The following ZAR1L variants were observed in gnomAD, a reference collection of about 807,000 sequenced individuals.
ZAR1L encodes zygote arrest 1 like.
ZAR1L carries 16 observed loss-of-function variants against 30.0 expected under a neutral mutation model. The ratio of observed to expected loss-of-function variants is 0.53; its 90% confidence interval spans 0.36 to 0.81. ZAR1L has a LOEUF of 0.81. ZAR1L is among the 30% of genes least tolerant of loss of function. The pLI is 0.00. For missense variants in ZAR1L, 392 were observed against 417.2 expected (o/e 0.94, Z 0.53); for synonymous variants, 197 against 166.8 (o/e 1.18, Z -1.40).
At chr13:32,307,926 C>T (rs1358856585) in intron 5 of ZAR1L, among the ~76,000 whole-genome samples, 1 of 152,144 alleles carries the variant, frequency 6.6e-6, no homozygotes, top group Non-Finnish European at 1.5e-5. Context: ...CCTCAGCCTC[C>T]CGAGTAGCTG....
At chr13:32,312,169 T>A (rs925109516) in intron 2 of ZAR1L, 76 bp from the exon 3 acceptor site, 3 of 486,750 alleles carry the variant, frequency 6.2e-6, no homozygotes, top group African/African-American at 5.9e-5. Context: ...TTTCCCTACC[T>A]CTTCACTGTT....
intron 5 of ZAR1L, among the ~76,000 whole-genome samples, chr13:32,305,288 G>A (rs375526765): frequency 4.6e-5 from 7 of 151,478 alleles, no homozygotes; most frequent in South Asian, 2.1e-4. Context: ...CTGCAGTGGC[G>A]CTATCTTGGC....
chr13:32,313,360 G>A (rs1339590164), intron 2 of ZAR1L, among the ~76,000 whole-genome samples: 2 of 151,964 alleles, frequency 1.3e-5, no homozygotes, highest in African/African-American at 4.8e-5. Context: ...GGTTTTTTGG[G>A]TTTTTGTTTG....
At chr13:32,306,069 C>T (rs538552919) in intron 5 of ZAR1L, among the ~76,000 whole-genome samples, 18 of 152,098 alleles carry the variant, frequency 1.2e-4, no homozygotes, top group African/African-American at 4.1e-4. Flanking sequence ...TCTTCTAAAG[C>T]AATAAAAATT....
rs145793880 is a variant in ZAR1L at position 32,309,674 on chromosome 13, C to T, written c.748-914G>A. Among the ~76,000 whole-genome samples the T allele has an allele frequency of 1.8e-4, 28 of 152,324 alleles. 2 individuals are homozygous for T. The highest frequency in any genetic ancestry group is 1.6e-3 in the Admixed American group (25 of 15,294). ...CCATATGAAGAAGGATGCTACTGCA[C>T]GTATTGCCAAATTACATTTTGTTTC... On this transcript the variant is annotated intron_variant, in intron 4 of 5. Coordinates refer to ENST00000533490, the MANE Select transcript of ZAR1L (RefSeq NM_001136571.2).
At position 32,308,741 on chromosome 13, in the gene ZAR1L, C is replaced by A; in HGVS notation, c.767G>T (p.Cys256Phe). Residue 256 changes from cysteine (C) to phenylalanine (F), a missense_variant, in exon 5 of 6, where the codon TGT (cysteine) becomes TTT (phenylalanine). Transcript: ENST00000533490. ...GTNKVYFKQLCCKCQKSFNPY... is the reference protein window; with the variant it reads ...GTNKVYFKQLFCKCQKSFNPY... ...GTTAAAACTCTTTTGGCATTTACAACAGAGTTGTTTGAAATAAACCTAAAG... is the reference window on the plus strand; with the variant it reads ...GTTAAAACTCTTTTGGCATTTACAAAAGAGTTGTTTGAAATAAACCTAAAG... 6.5e-7 allele frequency: 1 copy of A among 1,550,274 alleles called. No individual in the cohort carries two copies. Among genetic ancestry groups the A allele is most frequent in the Non-Finnish European group, 8.7e-7 (1 of 1,146,142 alleles).
rs1197565029 is a variant in ZAR1L, at chr13:32,311,539, G to A, written c.387C>T (p.Ala129=). The change falls in exon 3 of 6, where the codon GCC becomes GCT. Residue 129 remains alanine, a synonymous_variant. Coordinates refer to ENST00000533490, the MANE Select transcript of ZAR1L (RefSeq NM_001136571.2). ...CGGTGGCGGGCGAAGTGACCCCACA[G>A]GCTGGCAGGGGCTCCTGGGGGTCTC... ...DGRDPQEPLP[A]CGVTSPATGR... 27 of 1,534,046 alleles carry A rather than the reference G, an allele frequency of 1.8e-5. No individual in the cohort carries two copies. The Admixed American group carries it at 3.0e-4, about 17-fold the overall frequency.
chr13:32,305,313 G>A (rs984200014), intron 5 of ZAR1L, among the ~76,000 whole-genome samples: 3 of 151,316 alleles, frequency 2.0e-5, no homozygotes, highest in Non-Finnish European at 2.9e-5. Flanking sequence ...TGCAAGCTCC[G>A]CCTCCCGGGT....
intron 4 of ZAR1L, among the ~76,000 whole-genome samples, chr13:32,309,382 G>A (rs563493202): frequency 6.6e-6 from 1 of 152,326 alleles, no homozygotes; most frequent in South Asian, 2.1e-4. Flanking sequence ...TCAATGGGAA[G>A]TGGCTGCCAT....
chr13:32,305,717 A>G (rs1256574135), intron 5 of ZAR1L, among the ~76,000 whole-genome samples: 3 of 152,228 alleles, frequency 2.0e-5, no homozygotes, highest in Non-Finnish European at 4.4e-5. Flanking sequence ...AATTCTAACC[A>G]AGCCTCCTGG....
In ZAR1L at chr13:32,311,609, G is replaced by A. The variant is rs2072214135; in HGVS notation, c.317C>T (p.Ser106Phe). 6.5e-7 allele frequency: 1 copy of A among 1,549,616 alleles called. No homozygotes were observed. The highest frequency in any genetic ancestry group is 1.4e-5 in the African/African-American group (1 of 73,150). ...SPRVDKAVQCSLGPRTLSSCS... is the reference protein window; with the variant it reads ...SPRVDKAVQCFLGPRTLSSCS... ...GCTGCTGAGGGTGCGAGGCCCCAGA[G>A]AGCACTGCACAGCCTTGTCCACCCG... Residue 106 changes from serine (S) to phenylalanine (F), a missense_variant, in exon 3 of 6, where the codon TCT (serine) becomes TTT (phenylalanine). Physicochemically the swap from Ser to Phe is radical, Grantham distance 155. Transcript: ENST00000533490.
chr13:32,312,072 A>C lies in ZAR1L; in HGVS notation c.-147T>G. On this transcript the variant is annotated 5_prime_UTR_variant, in exon 3 of 6. Coordinates refer to ENST00000533490, the MANE Select transcript of ZAR1L (RefSeq NM_001136571.2). ...GCTTCTCCATTTATTTCAGATTCTA[A>C]TGGGAGCTGCTGCTTATTACCCTGA... 1.0e-6 allele frequency: 1 copy of C among 954,992 alleles called. No homozygotes were observed. Among genetic ancestry groups the C allele is most frequent in the Non-Finnish European group, 1.5e-6 (1 of 664,086 alleles). 59.2% of individuals were successfully genotyped at this position (954,992 alleles called of 1,614,324 possible).
At chr13:32,304,091 C>T in intron 5 of ZAR1L, 69 bp from the exon 6 acceptor site, 1 of 1,472,622 alleles carries the variant, frequency 6.8e-7, no homozygotes, top group Non-Finnish European at 9.1e-7. Flanking sequence ...ACCCTCAAAT[C>T]ACAGTACTTC....
intron 2 of ZAR1L, among the ~76,000 whole-genome samples, chr13:32,312,577 C>T (rs1423597966): frequency 2.0e-5 from 3 of 152,082 alleles, no homozygotes; most frequent in African/African-American, 7.2e-5. Flanking sequence ...TATTATTCAG[C>T]CTTAAAACAG....
intron 5 of ZAR1L, 30 bp from the exon 6 acceptor site, chr13:32,304,052 T>C: frequency 1.9e-6 from 3 of 1,546,020 alleles, no homozygotes; most frequent in Non-Finnish European, 2.6e-6. Context: ...GTTTGGACGC[T>C]AAATGATCAG....
Position 32,311,294 on chromosome 13 carries a change from G to C in ZAR1L, c.632C>G (p.Pro211Arg), listed in dbSNP as rs775294297. ...TACCTGGAAGTTGGGCCTCCGGAGC[G>C]GCTCGGAGGCGGCGTCTCCAGGCAC... ...KQVPGDAASE[P>R]LRRPNFQFLE... Residue 211 changes from proline to arginine, a missense_variant, in exon 3 of 6, where the codon CCG (proline) becomes CGG (arginine). Coordinates refer to ENST00000533490, the MANE Select transcript of ZAR1L (RefSeq NM_001136571.2). The C allele has an allele frequency of 1.6e-5, 25 of 1,548,940 alleles. No homozygotes were observed. In the African/African-American group the frequency reaches 3.3e-4, roughly 20 times the overall value.
At position 32,303,975 on chromosome 13, in the gene ZAR1L, A is replaced by T; in HGVS notation, c.870T>A (p.Ile290=). 6.4e-7 allele frequency: 1 copy of T among 1,552,094 alleles called. No individual in the cohort carries two copies. Among genetic ancestry groups the T allele is most frequent in the Non-Finnish European group, 8.7e-7 (1 of 1,147,058 alleles). ...CCTGTCGATGAGGCCTCCTTAGATC[A>T]ATGTGTCTCTTCTTTTGAGGACAGG... ...HCSCPQKKRH[I]DLRRPHRQEL... Residue 290 remains isoleucine (I), a synonymous_variant, in exon 6 of 6, where the codon ATT becomes ATA. Transcript: ENST00000533490.
At chr13:32,313,663 A>G (rs1457769290) in intron 2 of ZAR1L, among the ~76,000 whole-genome samples, 4 of 152,174 alleles carry the variant, frequency 2.6e-5, no homozygotes, top group East Asian at 1.9e-4. Flanking sequence ...CACCATGCCC[A>G]GCTGGAAATA....
chr13:32,309,737 C>T (rs537080305), intron 4 of ZAR1L, among the ~76,000 whole-genome samples: 1 of 152,316 alleles, frequency 6.6e-6, no homozygotes, highest in East Asian at 1.9e-4. Flanking sequence ...GAGAACAAGT[C>T]CTGTGTTTTG....
Sources: gnomAD v4.1 joint callset for allele counts (sites outside exome capture counted in the v4.1 genomes callset) on GRCh38, gnomAD v4.1.1 for gene constraint, MANE v1.5 for transcripts, NCBI Gene and HGNC (gene_info 2026-07-23, HGNC 2026-07-21) for gene names.